GPBP1L1: variants seen among roughly 807,000 people sequenced by gnomAD.
The protein encoded by GPBP1L1 is GC-rich promoter binding protein 1 like 1.
In GPBP1L1, 23 loss-of-function variants were observed where a neutral mutation model predicts 52.5. The observed-to-expected ratio is 0.44, with a 90% confidence interval of 0.32 to 0.62. GPBP1L1 has a LOEUF of 0.62. Ranked by LOEUF, GPBP1L1 falls within the 20% of genes least tolerant of loss-of-function variation. GPBP1L1 has a pLI of 0.06. For missense variants in GPBP1L1, 596 were observed against 579.3 expected, an observed-to-expected ratio of 1.03 and a Z score of -0.30; for synonymous variants, 243 against 203.1, an observed-to-expected ratio of 1.20 and a Z score of -1.67.
At chr1:45,640,462 C>CAT in intron 7 of GPBP1L1, 59 bp from the exon 8 acceptor site, 1 of 1,411,308 alleles carries the variant, frequency 7.1e-7, no homozygotes, top group Non-Finnish European at 1.0e-6. Context: ...TAACATGAAG[C>CAT]ATAGTTTATA....
chr1:45,629,454 T>TCCCTC, intron 12 of GPBP1L1, 122 bp downstream of exon 12: 3 of 115,394 alleles, frequency 2.6e-5, no homozygotes, highest in Admixed American at 1.2e-4. Context: ...ACTAAGGTAA[T>TCCCTC]CCCCCCCCCC....
intron 2 of GPBP1L1, among the ~76,000 whole-genome samples, chr1:45,678,396 C>A (rs759521451): frequency 2.8e-4 from 42 of 152,162 alleles, no homozygotes; most frequent in Non-Finnish European, 3.7e-4. Flanking sequence ...AAATTAGTTT[C>A]TTGTTCTAAG....
intron 8 of GPBP1L1, among the ~76,000 whole-genome samples, chr1:45,638,542 T>A (rs1260555090): frequency 1.3e-5 from 2 of 152,214 alleles, no homozygotes; most frequent in East Asian, 3.8e-4. Context: ...TATCCCATTC[T>A]TTACTCCTCT....
chr1:45,662,318 A>AT (rs1262670510), intron 2 of GPBP1L1, among the ~76,000 whole-genome samples: 3 of 151,958 alleles, frequency 2.0e-5, no homozygotes, highest in Non-Finnish European at 2.9e-5. Flanking sequence ...ATTAAAAAAC[A>AT]TTTTTTTGTA....
chr1:45,628,467 C>T lies in GPBP1L1; in HGVS notation c.1273-59G>A, dbSNP rs1443691761. The T allele has an allele frequency of 1.0e-5, 16 of 1,540,252 alleles. No individual in the cohort carries two copies. In the East Asian group the frequency reaches 3.4e-4, roughly 33 times the overall value. On this transcript the variant is annotated intron_variant, in intron 12 of 12. Transcript: ENST00000355105. ...AAAAATATCAATGACTGTACTGACC[C>T]ATAAGCCCTGGGAAAGGCCAGGCCT... is the stretch of plus-strand genomic sequence containing the variant.
chr1:45,675,189 T>C (rs1260150307), intron 2 of GPBP1L1, among the ~76,000 whole-genome samples: 1 of 151,670 alleles, frequency 6.6e-6, no homozygotes. Flanking sequence ...CCCAGCTACT[T>C]GGGAGGCTGA....
intron 2 of GPBP1L1, among the ~76,000 whole-genome samples, chr1:45,674,268 CTATTT>C (rs1488575699): frequency 1.3e-5 from 2 of 152,080 alleles, no homozygotes; most frequent in Admixed American, 6.5e-5. Context: ...ACAGGATTGC[CTATTT>C]TATTTGGATA....
rs1248937654 is a variant in GPBP1L1, at chr1:45,643,514, G to C, written c.478-1015C>G. 5.9e-5 allele frequency among the ~76,000 whole-genome samples: 9 copies of C among 152,066 alleles called. 1 individual carries two copies. The highest frequency in any genetic ancestry group is 5.9e-4 in the Admixed American group (9 of 15,264). ...GAGATCAATTCCATAGTCCGGGAGG[G>C]TAATAAAGGTAACAGAAGTAGAGAA... On this transcript the variant is annotated intron_variant, in intron 6 of 12. Transcript: ENST00000355105.
chr1:45,628,099 G>T lies in GPBP1L1; in HGVS notation c.*157C>A. 1 of 754,036 alleles carries T rather than the reference G, an allele frequency of 1.3e-6. No homozygotes were observed. The highest frequency in any genetic ancestry group is 2.2e-6 in the Non-Finnish European group (1 of 462,688). 46.7% of individuals were successfully genotyped at this position (754,036 alleles called of 1,614,324 possible). ...ATAACAGGGAAGAACAATAACAAAA[G>T]CAAAACAAGCCAATTGCTCTCTCTT... On this transcript the variant is annotated 3_prime_UTR_variant, in exon 13 of 13. Transcript: ENST00000355105.
intron 2 of GPBP1L1, among the ~76,000 whole-genome samples, chr1:45,672,480 T>A (rs1336323843): frequency 6.6e-6 from 1 of 152,244 alleles, no homozygotes; most frequent in Non-Finnish European, 1.5e-5. Flanking sequence ...TCATTAATTC[T>A]AATAATTTGT....
At chr1:45,683,218 T>C (rs1055648826) in intron 2 of GPBP1L1, among the ~76,000 whole-genome samples, 7 of 136,734 alleles carry the variant, frequency 5.1e-5, no homozygotes, top group African/African-American at 1.1e-4. Context: ...TTTTTTTTTT[T>C]TTTTTTTTTT....
intron 11 of GPBP1L1, 76 bp downstream of exon 11, chr1:45,630,406 T>A (rs543414557): frequency 6.6e-7 from 1 of 1,512,192 alleles, no homozygotes; most frequent in African/African-American, 1.4e-5. Flanking sequence ...CCTATCTATC[T>A]GAGATATCTT....
intron 2 of GPBP1L1, among the ~76,000 whole-genome samples, chr1:45,664,203 C>T (rs1389178242): frequency 6.6e-6 from 1 of 152,138 alleles, no homozygotes; most frequent in Non-Finnish European, 1.5e-5. Context: ...GCCTGTAGTA[C>T]CAGCTACTCG....
rs368234651 is a variant in GPBP1L1, at chr1:45,669,376, C to T, written c.-1097-8151G>A. ...ATGTTGCTCAGGTTGGTGTCAAACTCCTGGCCTCAAGGGGCCCTTCTGCCT... is the reference window on the plus strand; with the variant it reads ...ATGTTGCTCAGGTTGGTGTCAAACTTCTGGCCTCAAGGGGCCCTTCTGCCT... On this transcript the variant is annotated intron_variant, in intron 2 of 12. Transcript: ENST00000355105. 3.6e-4 allele frequency among the ~76,000 whole-genome samples: 55 copies of T among 152,334 alleles called. 1 individual carries two copies. In the South Asian group the frequency reaches 1.0e-2, roughly 28 times the overall value.
At position 45,628,119 on chromosome 1, in the gene GPBP1L1, T is replaced by C. The variant is rs1557690566; in HGVS notation, c.*137A>G. Reference sequence around the variant, plus strand: ...CAAAAGCAAAACAAGCCAATTGCTCTCTCTTTGGGATATGATTATTTCCCT... The same window carrying C: ...CAAAAGCAAAACAAGCCAATTGCTCCCTCTTTGGGATATGATTATTTCCCT... On this transcript the variant is annotated 3_prime_UTR_variant, in exon 13 of 13. Transcript: ENST00000355105. 3.5e-6 allele frequency: 3 copies of C among 860,034 alleles called. No individual in the cohort carries two copies. The highest frequency in any genetic ancestry group is 1.8e-6 in the Non-Finnish European group (1 of 551,230). 53.3% of individuals were successfully genotyped at this position (860,034 alleles called of 1,614,324 possible).
intron 12 of GPBP1L1, among the ~76,000 whole-genome samples, chr1:45,629,177 C>G (rs1438487979): frequency 6.6e-6 from 1 of 152,158 alleles, no homozygotes; most frequent in Non-Finnish European, 1.5e-5. Flanking sequence ...CTGACACAAG[C>G]TATTTAGCTT....
chr1:45,640,285 A>G lies in GPBP1L1; in HGVS notation c.669T>C (p.Asn223=). The change falls in exon 8 of 13, where the codon AAT becomes AAC. Residue 223 remains asparagine (N), a synonymous_variant. Transcript: ENST00000355105. The part of the protein sequence containing the change: ...AFTSPGSHHA[N]GNKLSSVVPS... ...GAACCACGGATGACAATTTGTTCCC[A>G]TTTGCATGGTGAGATCCTGGTGAGG... 6.2e-7 allele frequency: 1 copy of G among 1,614,160 alleles called. No individual in the cohort carries two copies. The highest frequency in any genetic ancestry group is 8.5e-7 in the Non-Finnish European group (1 of 1,180,004).
chr1:45,657,777 C>T (rs989054769), intron 4 of GPBP1L1, among the ~76,000 whole-genome samples: 6 of 152,140 alleles, frequency 3.9e-5, no homozygotes, highest in South Asian at 2.1e-4. Flanking sequence ...TGCTTGAGCC[C>T]GGGAGTTCAA....
upstream of GPBP1L1, among the ~76,000 whole-genome samples, chr1:45,686,838 CG>C (rs1403815487): frequency 3.3e-5 from 5 of 152,246 alleles, no homozygotes; most frequent in Admixed American, 3.3e-4. Context: ...GCCTGAGGCA[CG>C]GACAAGCCTA....
Sources: gnomAD v4.1 joint callset for allele counts (sites outside exome capture counted in the v4.1 genomes callset) on GRCh38, gnomAD v4.1.1 for gene constraint, MANE v1.5 for transcripts, NCBI Gene and HGNC (gene_info 2026-07-23, HGNC 2026-07-21) for gene names.